The following FAAH2 variants were observed in gnomAD, a reference collection of about 807,000 sequenced individuals.
FAAH2 encodes the protein fatty acid amide hydrolase 2, also known as fatty-acid amide hydrolase 2.
FAAH2 carries 60 observed loss-of-function variants against 36.9 expected under a neutral mutation model. That is an observed-to-expected ratio of 1.63 (90% CI 1.32 to 2.02). FAAH2 has a LOEUF of 2.02. Among genes scored for constraint, FAAH2 ranks in the 30% most tolerant of loss-of-function variants. The pLI is 0.00. For missense variants in FAAH2, 689 were observed against 397.5 expected, an observed-to-expected ratio of 1.73 and a Z score of -6.23; for synonymous variants, 214 against 143.8, an observed-to-expected ratio of 1.49 and a Z score of -3.49.
intron 5 of FAAH2, among the ~76,000 whole-genome samples, chrX:57,372,162 C>T (rs2054568596): frequency 1.8e-5 from 2 of 111,311 alleles, no homozygotes; most frequent in South Asian, 7.6e-4. Flanking sequence ...GGTATATACC[C>T]AGTAATAGTA....
the FAAH2 span, among the ~76,000 whole-genome samples, chrX:57,191,893 T>A: frequency 4.5e-5 from 5 of 112,208 alleles, no homozygotes; most frequent in Admixed American, 9.5e-5. Flanking sequence ...GTCTGTAGTA[T>A]AACTTGAAGT....
intron 7 of FAAH2, chrX:57,394,475 C>G: frequency 8.3e-7 from 1 of 1,202,203 alleles, no homozygotes; most frequent in Non-Finnish European, 1.1e-6. Flanking sequence ...TTTACAAGAT[C>G]GTGATATATC....
chrX:57,233,385 G>T, the FAAH2 span, among the ~76,000 whole-genome samples: 96 of 111,768 alleles, frequency 8.6e-4, no homozygotes, highest in African/African-American at 2.9e-3. Flanking sequence ...AACTGTCATT[G>T]TGGTTTCTGA....
chrX:57,166,796 G>A, the FAAH2 span, among the ~76,000 whole-genome samples: 1 of 111,595 alleles, frequency 9.0e-6, no homozygotes, highest in South Asian at 3.8e-4. Flanking sequence ...TGTTGCACTG[G>A]GAAATAAGAG....
intron 7 of FAAH2, among the ~76,000 whole-genome samples, chrX:57,417,879 C>A (rs10047019): frequency 0.012 from 1,305 of 111,954 alleles, 17 homozygotes; most frequent in African/African-American, 0.041. Flanking sequence ...GGAGTTTAAT[C>A]TGTAAGCTGC....
intron 5 of FAAH2, among the ~76,000 whole-genome samples, chrX:57,374,607 G>T (rs902688228): frequency 9.0e-6 from 1 of 111,558 alleles, no homozygotes; most frequent in Non-Finnish European, 1.9e-5. Context: ...GGAGCTTTTT[G>T]CAGGAGTTTT....
At chrX:57,317,042 C>A (rs1432967575) in intron 3 of FAAH2, among the ~76,000 whole-genome samples, 1 of 111,707 alleles carries the variant, frequency 9.0e-6, no homozygotes, top group Admixed American at 9.5e-5. Flanking sequence ...AAATCAACAA[C>A]TAATAAACAA....
At chrX:57,195,059 C>A in the FAAH2 span, among the ~76,000 whole-genome samples, 2 of 111,013 alleles carry the variant, frequency 1.8e-5, no homozygotes, top group South Asian at 7.5e-4. Context: ...ATTGCAAATT[C>A]TGCTGCTATA....
At chrX:57,331,530 G>T in intron 3 of FAAH2, 68 bp from the exon 4 acceptor site, 1 of 975,566 alleles carries the variant, frequency 1.0e-6, no homozygotes, top group Non-Finnish European at 1.4e-6. Flanking sequence ...TGGCCATCTT[G>T]CCCCTCAGGA....
At chrX:57,315,814 G>A in intron 3 of FAAH2, among the ~76,000 whole-genome samples, 1 of 111,255 alleles carries the variant, frequency 9.0e-6, no homozygotes. Context: ...CACTAAATGG[G>A]CAAAAGCTGG....
the FAAH2 span, among the ~76,000 whole-genome samples, chrX:57,140,934 T>C: frequency 1.4e-4 from 16 of 111,972 alleles, 1 homozygote; most frequent in Admixed American, 1.3e-3. Context: ...TTATGCAGTG[T>C]ATTTATGTAA....
intron 7 of FAAH2, among the ~76,000 whole-genome samples, chrX:57,381,918 G>C (rs1214249055): frequency 4.5e-5 from 5 of 111,295 alleles, no homozygotes; most frequent in Non-Finnish European, 7.5e-5. Flanking sequence ...TGACCACATA[G>C]TTGGATGTAA....
chrX:57,160,751 C>G, the FAAH2 span, among the ~76,000 whole-genome samples: 4 of 111,504 alleles, frequency 3.6e-5, no homozygotes, highest in African/African-American at 9.7e-5. Context: ...TTGCTTCTCT[C>G]TTTTCTTTAA....
At chrX:57,250,055 T>C in the FAAH2 span, among the ~76,000 whole-genome samples, 3 of 112,102 alleles carry the variant, frequency 2.7e-5, no homozygotes, top group Admixed American at 1.9e-4. Flanking sequence ...GCCATAGACA[T>C]TGAACAAACT....
chrX:57,451,479 CA>C (rs1029305777), intron 10 of FAAH2, among the ~76,000 whole-genome samples: 3 of 111,804 alleles, frequency 2.7e-5, no homozygotes, highest in African/African-American at 9.8e-5. Context: ...AAGAGACAAA[CA>C]AATGTTAACA....
chrX:57,184,574 T>A, the FAAH2 span, among the ~76,000 whole-genome samples: 1 of 112,864 alleles, frequency 8.9e-6, no homozygotes, highest in Non-Finnish European at 1.9e-5. Context: ...TGGACAATTA[T>A]ATTCACAGAA....
At chrX:57,447,496 T>A (rs1011953631) in intron 9 of FAAH2, among the ~76,000 whole-genome samples, 7 of 85,911 alleles carry the variant, frequency 8.1e-5, no homozygotes, top group African/African-American at 1.1e-4. Flanking sequence ...TGTGAGGGCC[T>A]TGTCCCTCAG....
At chrX:57,448,809 A>G (rs2056732197) in intron 10 of FAAH2, 91 bp downstream of exon 10, 1 of 930,106 alleles carries the variant, frequency 1.1e-6, no homozygotes, top group African/African-American at 1.9e-5. Context: ...GCAGTTGGAC[A>G]AGTTTTAAAC....
At chrX:57,440,014 A>G (rs1423747273) in intron 8 of FAAH2, among the ~76,000 whole-genome samples, 2 of 111,395 alleles carry the variant, frequency 1.8e-5, no homozygotes, top group Non-Finnish European at 3.8e-5. Context: ...GCCTTGTAGT[A>G]TAGTTTGAAG....
Sources: allele counts gnomAD v4.1 joint callset (sites outside exome capture counted in the v4.1 genomes callset), GRCh38; gene constraint gnomAD v4.1.1; transcripts MANE v1.5; gene names NCBI Gene and HGNC (gene_info 2026-07-23, HGNC 2026-07-21).